Variants in ADAM23 observed in about 807,000 individuals in gnomAD.
ADAM23 encodes disintegrin and metalloproteinase domain-containing protein 23.
ADAM23 carries 33 observed loss-of-function variants against 120.1 expected under a neutral mutation model. The observed-to-expected ratio is 0.27, with a 90% confidence interval of 0.21 to 0.37. ADAM23 has a LOEUF of 0.37. ADAM23 is among the 10% of genes least tolerant of loss of function. ADAM23 has a pLI of 1.00. For synonymous variants in ADAM23, 367 were observed against 375.2 expected (o/e 0.98, Z 0.25); for missense variants, 862 against 1,058.2 (o/e 0.81, Z 2.57).
chr2:206,536,695 T>G (rs1270497230), intron 4 of ADAM23, among the ~76,000 whole-genome samples: 2 of 152,170 alleles, frequency 1.3e-5, no homozygotes, highest in Admixed American at 6.5e-5. Flanking sequence ...TCATGTTGTA[T>G]ATTTTAGATA....
chr2:206,552,640 T>C (rs1697554657), intron 9 of ADAM23, among the ~76,000 whole-genome samples: 1 of 152,020 alleles, frequency 6.6e-6, no homozygotes, highest in Non-Finnish European at 1.5e-5. Flanking sequence ...ATTCATTTTA[T>C]TATTGTTGTT....
chr2:206,509,378 G>T (rs1696573475), intron 3 of ADAM23, among the ~76,000 whole-genome samples: 1 of 152,048 alleles, frequency 6.6e-6, no homozygotes, highest in Admixed American at 6.6e-5. Flanking sequence ...AAATATAAAT[G>T]ATTAAATTTA....
chr2:206,477,896 AAATATAT>A (rs1369455908), intron 2 of ADAM23, among the ~76,000 whole-genome samples: 7 of 113,458 alleles, frequency 6.2e-5, no homozygotes, highest in African/African-American at 2.3e-4. Flanking sequence ...AAAAAAAAAA[AAATATAT>A]ATATATATAT....
At position 206,570,613 on chromosome 2, in the gene ADAM23, C is replaced by T. The variant is rs1574540315; in HGVS notation, c.1495-127C>T. On this transcript the variant is annotated intron_variant, in intron 15 of 25. Transcript: ENST00000264377. The stretch of plus-strand genomic sequence containing the variant: ...TACAGTCATCATTTATAAGATGCCA[C>T]AACAACAGATCAAAGAAGAATATCA... 8 of 685,646 alleles carry T rather than the reference C, an allele frequency of 1.2e-5. No homozygotes were observed. The East Asian group carries it at 2.3e-4, about 19-fold the overall frequency. 42.5% of individuals were successfully genotyped at this position (685,646 alleles called of 1,614,324 possible). A position where few individuals can be genotyped will look rare whatever the true frequency, so the allele number is the denominator to read the frequency against.
At chr2:206,569,886 A>T (rs1286194402) in intron 15 of ADAM23, among the ~76,000 whole-genome samples, 1 of 152,080 alleles carries the variant, frequency 6.6e-6, no homozygotes, top group Non-Finnish European at 1.5e-5. Flanking sequence ...GCTGCTGGAG[A>T]TGGAGTCAGT....
chr2:206,558,459 A>G (rs1464798883), intron 10 of ADAM23, among the ~76,000 whole-genome samples: 1 of 152,224 alleles, frequency 6.6e-6, no homozygotes, highest in East Asian at 1.9e-4. Context: ...GTAAATATTC[A>G]TAACATATGT....
chr2:206,573,015 T>C, intron 17 of ADAM23, 100 bp from the exon 18 acceptor site: 1 of 1,173,456 alleles, frequency 8.5e-7, no homozygotes, highest in South Asian at 1.2e-5. Context: ...TTGGTGTTAG[T>C]TATGCGAGAG....
intron 2 of ADAM23, among the ~76,000 whole-genome samples, chr2:206,451,348 T>C: frequency 6.6e-6 from 1 of 152,196 alleles, no homozygotes. Flanking sequence ...CAAGCAGTTC[T>C]CCCACTTCAG....
intron 5 of ADAM23, 96 bp downstream of exon 5, chr2:206,542,230 G>A (rs1257136405): frequency 4.9e-6 from 6 of 1,231,540 alleles, no homozygotes; most frequent in African/African-American, 1.5e-5. Flanking sequence ...TGCCAGTGCT[G>A]TGTTAGGGAC....
In ADAM23 at chr2:206,464,949, A is replaced by G. The variant is rs536574545; in HGVS notation, c.433-16283A>G. Among the ~76,000 whole-genome samples the G allele has an allele frequency of 2.0e-5, 3 of 152,222 alleles. No homozygotes were observed. The East Asian group carries it at 5.8e-4, about 29-fold the overall frequency. Reference sequence around the variant, plus strand: ...ATCAGTTAGGAATATGGCAACTGTTATCTTTCTGTCACTCAGCACTGTTTC... The same window carrying G: ...ATCAGTTAGGAATATGGCAACTGTTGTCTTTCTGTCACTCAGCACTGTTTC... On this transcript the variant is annotated intron_variant, in intron 2 of 25. Transcript: ENST00000264377.
chr2:206,498,125 T>G (rs1696297730), intron 3 of ADAM23, among the ~76,000 whole-genome samples: 1 of 152,182 alleles, frequency 6.6e-6, no homozygotes, highest in Non-Finnish European at 1.5e-5. Context: ...ACCAATGACT[T>G]TCTTCACAGA....
At chr2:206,587,039 T>C (rs939512603) in intron 18 of ADAM23, among the ~76,000 whole-genome samples, 1 of 152,246 alleles carries the variant, frequency 6.6e-6, no homozygotes, top group African/African-American at 2.4e-5. Context: ...TTTTAATCTC[T>C]TCTACTTTTA....
chr2:206,582,640 G>T (rs1420908900), intron 18 of ADAM23, among the ~76,000 whole-genome samples: 1 of 152,022 alleles, frequency 6.6e-6, no homozygotes, highest in Admixed American at 6.5e-5. Flanking sequence ...TTGTATTTTT[G>T]TTTTATAGAT....
At chr2:206,584,175 C>G (rs1046301306) in intron 18 of ADAM23, among the ~76,000 whole-genome samples, 1 of 152,144 alleles carries the variant, frequency 6.6e-6, no homozygotes, top group Non-Finnish European at 1.5e-5. Context: ...CAGGCTGGTA[C>G]TGGGGGTTGT....
intron 3 of ADAM23, among the ~76,000 whole-genome samples, chr2:206,489,237 A>G (rs1384983476): frequency 6.6e-6 from 1 of 152,014 alleles, no homozygotes; most frequent in Non-Finnish European, 1.5e-5. Flanking sequence ...AATTTTTGTG[A>G]TTCCTGAATC....
In ADAM23 at chr2:206,512,547, A is replaced by G. The variant is rs1277204867; in HGVS notation, c.510-18338A>G. 2.0e-5 allele frequency among the ~76,000 whole-genome samples: 3 copies of G among 152,368 alleles called. No individual in the cohort carries two copies. The East Asian group carries it at 5.8e-4, about 29-fold the overall frequency. On this transcript the variant is annotated intron_variant, in intron 3 of 25. Transcript: ENST00000264377. ...TACTGATCTGACCCTCTGAGCATGC[A>G]TGTGAAGACATTCCTAGAATAACCC... is the stretch of plus-strand genomic sequence containing the variant.
At chr2:206,474,583 C>G (rs1189022119) in intron 2 of ADAM23, among the ~76,000 whole-genome samples, 1 of 151,838 alleles carries the variant, frequency 6.6e-6, no homozygotes, top group Non-Finnish European at 1.5e-5. Flanking sequence ...ATTATTATTG[C>G]TATTTTCTTT....
chr2:206,614,894 G>A (rs1418184673), intron 25 of ADAM23, among the ~76,000 whole-genome samples: 1 of 152,032 alleles, frequency 6.6e-6, no homozygotes, highest in African/African-American at 2.4e-5. Flanking sequence ...TTCCCTTAAT[G>A]CCTGGGACTC....
intron 18 of ADAM23, among the ~76,000 whole-genome samples, chr2:206,582,037 C>G (rs944739578): frequency 6.6e-6 from 1 of 152,182 alleles, no homozygotes; most frequent in Non-Finnish European, 1.5e-5. Context: ...GCCACCATGC[C>G]TGGCTAATTT....
Sources: allele counts gnomAD v4.1 joint callset (sites outside exome capture counted in the v4.1 genomes callset), GRCh38; gene constraint gnomAD v4.1.1; transcripts MANE v1.5; gene names NCBI Gene and HGNC (gene_info 2026-07-23, HGNC 2026-07-21).